Variants in VAV1 observed in about 807,000 individuals in gnomAD.
The protein encoded by VAV1 is proto-oncogene vav.
VAV1 carries 33 observed loss-of-function variants against 128.1 expected under a neutral mutation model. The ratio of observed to expected loss-of-function variants is 0.26; its 90% CI spans 0.20 to 0.34. VAV1 has a LOEUF of 0.34. Ranked by LOEUF, VAV1 falls within the 10% of genes least tolerant of loss-of-function variation. VAV1 has a pLI of 1.00. For missense variants in VAV1, 715 were observed against 1,093.7 expected (o/e 0.65, Z 4.88); for synonymous variants, 394 against 409.8 (o/e 0.96, Z 0.47).
chr19:6,772,730 G>A lies in VAV1; in HGVS notation c.-78G>A, dbSNP rs761489953. ...GGTAGCACTAGCTGTCGCTCCACAG[G>A]CGAGCAGGGCAGGCGTGCGGGCGGG... On this transcript the variant is annotated 5_prime_UTR_variant, in exon 1 of 27. Coordinates refer to ENST00000602142, the MANE Select transcript of VAV1 (RefSeq NM_005428.4). The surrounding 1 kb of genome is among the most constrained non-coding windows in gnomAD (Gnocchi z 4.8). 19 of 1,482,334 alleles carry A rather than the reference G, an allele frequency of 1.3e-5. No homozygotes were observed. Among genetic ancestry groups the A allele is most frequent in the Non-Finnish European group, 1.7e-5 (19 of 1,093,090 alleles). 91.8% of individuals were successfully genotyped at this position (1,482,334 alleles called of 1,614,324 possible).
Position 6,773,129 on chromosome 19 carries a change from C to T in VAV1, c.204+118C>T. On this transcript the variant is annotated intron_variant, in intron 1 of 26. Transcript: ENST00000602142. Reference sequence around the variant, plus strand: ...GGGCCTGCAAAGGAGAGGGAATATGCTTACAGGTCCAGGGCTGGCCCAGGG... The same window carrying T: ...GGGCCTGCAAAGGAGAGGGAATATGTTTACAGGTCCAGGGCTGGCCCAGGG... 3 of 1,353,934 alleles carry T rather than the reference C, an allele frequency of 2.2e-6. No individual in the cohort carries two copies. The South Asian group carries it at 3.9e-5, about 18-fold the overall frequency. The allele number at this position is 1,353,934 out of a possible 1,614,324, so 83.9% of individuals were successfully genotyped here. A position where few individuals can be genotyped will look rare whatever the true frequency, so the allele number is the denominator to read the frequency against.
chr19:6,779,985 C>T (rs1281502507), intron 1 of VAV1, among the ~76,000 whole-genome samples: 3 of 148,654 alleles, frequency 2.0e-5, no homozygotes, highest in Non-Finnish European at 3.0e-5. Flanking sequence ...GTTGCGGGCG[C>T]CTGTAGTCCC....
chr19:6,773,419 G>T (rs998718547), intron 1 of VAV1, among the ~76,000 whole-genome samples: 2 of 152,164 alleles, frequency 1.3e-5, no homozygotes, highest in Non-Finnish European at 2.9e-5. Context: ...GTCTGGATGT[G>T]GGGGAGGAGC....
At chr19:6,797,002 C>A (rs1049292612) in intron 1 of VAV1, among the ~76,000 whole-genome samples, 1 of 152,062 alleles carries the variant, frequency 6.6e-6, no homozygotes, top group African/African-American at 2.4e-5. Context: ...CTTTGGGAGG[C>A]CGAGACGGGT....
intron 22 of VAV1, among the ~76,000 whole-genome samples, chr19:6,844,939 G>C (rs111862220): frequency 8.5e-5 from 13 of 152,250 alleles, no homozygotes; most frequent in African/African-American, 3.1e-4. Context: ...AGAGCTGGGA[G>C]TAAGAGGAGG....
intron 1 of VAV1, among the ~76,000 whole-genome samples, chr19:6,809,459 A>G (rs764661277): frequency 2.0e-5 from 3 of 152,160 alleles, no homozygotes; most frequent in Admixed American, 6.5e-5. Context: ...AACCTTATAT[A>G]TGAGACCTGG....
At chr19:6,835,637 G>T (rs147626890) in intron 19 of VAV1, among the ~76,000 whole-genome samples, 1 of 152,156 alleles carries the variant, frequency 6.6e-6, no homozygotes. Context: ...TACAGTACAT[G>T]CTTATTTCAT....
chr19:6,856,875 G>GGT (rs138906534), intron 26 of VAV1, among the ~76,000 whole-genome samples, 179 bp from the exon 27 acceptor site: 11,322 of 149,118 alleles, frequency 0.076, 1,001 homozygotes, highest in African/African-American at 0.22. Flanking sequence ...GGAGGTAATG[G>GGT]GTGTGTGTGT....
At chr19:6,843,265 C>T in intron 22 of VAV1, 99 bp downstream of exon 22, 2 of 1,355,962 alleles carry the variant, frequency 1.5e-6, no homozygotes, top group South Asian at 2.4e-5. Flanking sequence ...GTTATGCATT[C>T]TGTGATCCCT....
intron 21 of VAV1, among the ~76,000 whole-genome samples, chr19:6,841,606 C>T (rs993568591): frequency 2.0e-5 from 3 of 151,518 alleles, no homozygotes; most frequent in Non-Finnish European, 4.4e-5. Flanking sequence ...TTCCAAATAA[C>T]TGGGATTACA....
chr19:6,808,562 G>A (rs1276498398), intron 1 of VAV1, among the ~76,000 whole-genome samples: 1 of 152,186 alleles, frequency 6.6e-6, no homozygotes, highest in Non-Finnish European at 1.5e-5. Context: ...CTCCTGTTCT[G>A]TTCTTCCGCC....
At chr19:6,809,035 A>G (rs1247016917) in intron 1 of VAV1, among the ~76,000 whole-genome samples, 3 of 151,716 alleles carry the variant, frequency 2.0e-5, no homozygotes, top group Non-Finnish European at 2.9e-5. Flanking sequence ...GAGCCACAAG[A>G]CCAACCCAGA....
At chr19:6,787,382 G>A (rs1020398595) in intron 1 of VAV1, among the ~76,000 whole-genome samples, 10 of 151,926 alleles carry the variant, frequency 6.6e-5, no homozygotes, top group Non-Finnish European at 1.3e-4. Context: ...CACCAAGTTG[G>A]CAAGGCTGGT....
At chr19:6,819,635 G>A (rs1318874236) in intron 1 of VAV1, among the ~76,000 whole-genome samples, 3 of 152,156 alleles carry the variant, frequency 2.0e-5, no homozygotes, top group Non-Finnish European at 4.4e-5. Context: ...CGTGGCTTTG[G>A]AAGATGGATT....
intron 1 of VAV1, among the ~76,000 whole-genome samples, chr19:6,800,625 GTTTT>G (rs370229454): frequency 4.7e-5 from 7 of 149,656 alleles, no homozygotes; most frequent in African/African-American, 1.7e-4. Flanking sequence ...TTTTTGTTTT[GTTTT>G]GTTTTTTGTT....
intron 1 of VAV1, among the ~76,000 whole-genome samples, chr19:6,799,844 C>CAAAAA (rs60826995): frequency 4.1e-5 from 2 of 48,926 alleles, no homozygotes; most frequent in African/African-American, 1.2e-4. Context: ...GAGACTGTCT[C>CAAAAA]AAAAAAAAAA....
Position 6,822,589 on chromosome 19 carries a change from G to A in VAV1, c.654+75G>A. 3 of 1,299,844 alleles carry A rather than the reference G, an allele frequency of 2.3e-6. No homozygotes were observed. Among genetic ancestry groups the A allele is most frequent in the South Asian group, 1.3e-5 (1 of 76,624 alleles). 80.5% of individuals were successfully genotyped at this position (1,299,844 alleles called of 1,614,324 possible). A position where few individuals can be genotyped will look rare whatever the true frequency, so the allele number is the denominator to read the frequency against. ...CCGGCAGGTGCACGTCCACCTGTCC[G>A]GCCGCTCTGGGCAGCTGAGGATTTC... On this transcript the variant is annotated intron_variant, in intron 6 of 26. Transcript: ENST00000602142. This position sits in a 1 kb window ranked among gnomAD's most constrained non-coding sequence, Gnocchi z 5.9.
rs2144770305 is a variant in VAV1, at chr19:6,822,192, C to T, written c.450-29C>T. On this transcript the variant is annotated intron_variant, in intron 4 of 26. Coordinates refer to ENST00000602142, the MANE Select transcript of VAV1 (RefSeq NM_005428.4). The surrounding 1 kb of genome is among the most constrained non-coding windows in gnomAD (Gnocchi z 5.9). ...ACCCTGCTGTGATCTGGGAGAGGTC[C>T]AAGGGATCCCTGACCTCACAACCCA... The T allele has an allele frequency of 1.3e-6, 2 of 1,551,402 alleles. No individual in the cohort carries two copies. The highest frequency in any genetic ancestry group is 2.7e-5 in the African/African-American group (2 of 73,928).
chr19:6,792,335 G>C (rs1971035756), intron 1 of VAV1, among the ~76,000 whole-genome samples: 1 of 151,736 alleles, frequency 6.6e-6, no homozygotes, highest in South Asian at 2.1e-4. Context: ...TGGATGAAAA[G>C]AGGAGGCAGG....
Sources: allele counts gnomAD v4.1 joint callset (sites outside exome capture counted in the v4.1 genomes callset), GRCh38; gene constraint gnomAD v4.1.1; non-coding constraint Gnocchi (gnomAD v3.1); transcripts MANE v1.5; gene names NCBI Gene and HGNC (gene_info 2026-07-23, HGNC 2026-07-21).